TMPRSS3: variants seen among roughly 807,000 people sequenced by gnomAD.
The protein encoded by TMPRSS3 is transmembrane serine protease 3, also known as transmembrane protease serine 3.
TMPRSS3 carries 55 observed loss-of-function variants against 59.6 expected under a neutral mutation model. The observed-to-expected ratio is 0.92, with a 90% CI of 0.74 to 1.16. The LOEUF (loss-of-function observed/expected upper bound fraction) is 1.16, where lower values mean the gene tolerates loss of function less well. Among genes scored for constraint, TMPRSS3 ranks in the 50% most tolerant of loss-of-function variants. The probability of loss-of-function intolerance (pLI) is 0.00; values close to 1 mark genes in which losing one functional copy is unlikely to be tolerated. For missense variants in TMPRSS3, 596 were observed against 579.4 expected (o/e 1.03, Z -0.29); for synonymous variants, 257 against 237.7 (o/e 1.08, Z -0.75).
rs1286489288 is a variant in TMPRSS3, at chr21:42,395,352, A to G, written c.66T>C (p.Asp22=). Reference sequence around the variant, plus strand: ...GTGCAACAGGACTTATTTTCAAATCATCAAGGCCAAAAAGCGATCGGAATG... The same window carrying G: ...GTGCAACAGGACTTATTTTCAAATCGTCAAGGCCAAAAAGCGATCGGAATG... The part of the protein sequence containing the change: ...PFSFRSLFGL[D]DLKISPVAPD... Residue 22 remains aspartate (D), a synonymous_variant, in exon 2 of 13, where the codon GAT becomes GAC. Transcript: ENST00000644384. 17 of 1,614,132 alleles carry G rather than the reference A, an allele frequency of 1.1e-5. 1 individual carries two copies. The Middle Eastern group carries it at 1.7e-3, about 158-fold the overall frequency.
At chr21:42,395,778 C>A (rs1042041131) in intron 1 of TMPRSS3, 164 bp downstream of exon 1, 2 of 397,746 alleles carry the variant, frequency 5.0e-6, no homozygotes, top group Non-Finnish European at 9.8e-6. Flanking sequence ...GACTCCCTCT[C>A]ACCATTTAGA....
Position 42,389,939 on chromosome 21 carries a change from T to A in TMPRSS3, c.193A>T (p.Ile65Phe). 6.2e-7 allele frequency: 1 copy of A among 1,612,788 alleles called. No individual in the cohort carries two copies. The highest frequency in any genetic ancestry group is 1.7e-4 in the Middle Eastern group (1 of 6,060). Residue 65 changes from isoleucine to phenylalanine, a missense_variant, in exon 3 of 13, where the codon ATT becomes TTT. Coordinates refer to ENST00000644384, the MANE Select transcript of TMPRSS3 (RefSeq NM_001256317.3). Reference protein sequence around the residue: ...GIIALILALAIGLGIHFDCSG... With the variant: ...GIIALILALAFGLGIHFDCSG... ...GAATTGTACTCACTGCCCAGACCAA[T>A]GGCCAGTGCTAATATCAATGCAATG...
At chr21:42,375,327 G>C (rs528545478) in intron 12 of TMPRSS3, among the ~76,000 whole-genome samples, 35 of 150,056 alleles carry the variant, frequency 2.3e-4, no homozygotes, top group African/African-American at 7.9e-4. Context: ...TCAGCAGGCA[G>C]GCAAGGTCCT....
At chr21:42,375,627 G>A (rs1377599026) in intron 12 of TMPRSS3, 89 bp downstream of exon 12, 1 of 1,562,530 alleles carries the variant, frequency 6.4e-7, no homozygotes, top group African/African-American at 1.4e-5. Context: ...GTCACGCCCT[G>A]GTTTTTATAG....
At position 42,395,946 on chromosome 21, in the gene TMPRSS3, T is replaced by C; in HGVS notation, c.-56A>G. On this transcript the variant is annotated 5_prime_UTR_variant, in exon 1 of 13. Transcript: ENST00000644384. ...ATAAGTAGTTTCGGTACTCACATAA[T>C]TCCCGAGTCCCAAAAATGTAGATGG... is the stretch of plus-strand genomic sequence containing the variant. The C allele has an allele frequency of 1.9e-6, 1 of 518,972 alleles. No individual in the cohort carries two copies. Among genetic ancestry groups the C allele is most frequent in the South Asian group, 1.4e-5 (1 of 71,568 alleles). The allele number at this position is 518,972 out of a possible 1,614,324, so 32.1% of individuals were successfully genotyped here.
chr21:42,385,422 A>G lies in TMPRSS3; in HGVS notation c.559T>C (p.Ser187Pro). 6.2e-7 allele frequency: 1 copy of G among 1,613,992 alleles called. No homozygotes were observed. Among genetic ancestry groups the G allele is most frequent in the Non-Finnish European group, 8.5e-7 (1 of 1,180,000 alleles). The change falls in exon 6 of 13, where the codon TCA (serine) becomes CCA (proline). Residue 187 changes from serine to proline, a missense_variant. Coordinates refer to ENST00000644384, the MANE Select transcript of TMPRSS3 (RefSeq NM_001256317.3). ...PDDKVTALHH[S>P]VYVREGCASG... The stretch of plus-strand genomic sequence containing the variant: ...CTGACCACCTACCTCACATATACTG[A>G]GTGGTGTAATGCAGTCACCTTGTCA...
intron 6 of TMPRSS3, 122 bp from the exon 7 acceptor site, chr21:42,384,135 A>T: frequency 2.3e-6 from 2 of 874,490 alleles, no homozygotes; most frequent in Non-Finnish European, 3.6e-6. Flanking sequence ...TTGAATATAG[A>T]TTACAATTTT....
At chr21:42,391,920 C>T (rs535692256) in intron 2 of TMPRSS3, among the ~76,000 whole-genome samples, 1 of 152,322 alleles carries the variant, frequency 6.6e-6, no homozygotes, top group South Asian at 2.1e-4. Flanking sequence ...AAGTATAAGC[C>T]TCTCTGGGCA....
At position 42,372,760 on chromosome 21, in the gene TMPRSS3, C is replaced by T. The variant is rs13047838; in HGVS notation, c.*2G>A. ...TCAGGTGGCTACTTGTCCCCTTCCTCTTCAGGTTTTTAGGTCTCTCTATAA... is the reference window on the plus strand; with the variant it reads ...TCAGGTGGCTACTTGTCCCCTTCCTTTTCAGGTTTTTAGGTCTCTCTATAA... On this transcript the variant is annotated 3_prime_UTR_variant, in exon 13 of 13. Coordinates refer to ENST00000644384, the MANE Select transcript of TMPRSS3 (RefSeq NM_001256317.3). 0.22 allele frequency: 356,710 copies of T among 1,613,162 alleles called. 44,497 individuals carry two copies. The highest frequency in any genetic ancestry group is 0.55 in the East Asian group (24,459 of 44,844).
chr21:42,395,754 G>T (rs986443300), intron 1 of TMPRSS3, 188 bp downstream of exon 1: 1 of 385,900 alleles, frequency 2.6e-6, no homozygotes, highest in Non-Finnish European at 4.9e-6. Flanking sequence ...TCTTCAAATC[G>T]ATTGCTTTAG....
chr21:42,376,583 CA>C lies in TMPRSS3; in HGVS notation c.1148del (p.Met383SerfsTer7), dbSNP rs1194863884. The C allele has an allele frequency of 1.1e-5, 17 of 1,613,910 alleles. No homozygotes were observed. Among genetic ancestry groups the C allele is most frequent in the Non-Finnish European group, 1.4e-5 (17 of 1,180,032 alleles). On this transcript the variant is annotated frameshift_variant, in exon 11 of 13. Transcript: ENST00000644384. LOFTEE classifies it high-confidence loss of function. The part of the protein sequence containing the change: ...DVYGGIISPS[M>X]LCAGYLTGGV... ...CACCCGTCAGGTAGCCCGCGCAGAG[CA>C]TGGAGGGGGAGATGATGCCACCGTA...
At chr21:42,379,415 G>T (rs141122374) in intron 10 of TMPRSS3, among the ~76,000 whole-genome samples, 27 of 152,216 alleles carry the variant, frequency 1.8e-4, no homozygotes, top group Non-Finnish European at 3.4e-4. Context: ...CCATAGACTC[G>T]GCCTCCCAAA....
At chr21:42,377,031 C>T (rs962599670) in intron 10 of TMPRSS3, among the ~76,000 whole-genome samples, 1 of 152,210 alleles carries the variant, frequency 6.6e-6, no homozygotes, top group Non-Finnish European at 1.5e-5. Context: ...ATCAGAACAC[C>T]CCAGGTTATG....
rs757110501 is a variant in TMPRSS3, at chr21:42,389,009, G to C, written c.242C>G (p.Ser81Ter). The C allele has an allele frequency of 1.9e-6, 3 of 1,614,190 alleles. No individual in the cohort carries two copies. The highest frequency in any genetic ancestry group is 3.3e-5 in the Admixed American group (2 of 60,028). ...FDCSGKYRCR[S>*]SFKCIELIAR... ...TATCAGCTCGATACACTTAAAGGAT[G>C]AGCGACATCTGTACTTCCCTGAGCA... Residue 81 changes from serine to a stop codon, truncating the protein, a stop_gained, in exon 4 of 13, where the codon TCA becomes TGA. Coordinates refer to ENST00000644384, the MANE Select transcript of TMPRSS3 (RefSeq NM_001256317.3). LOFTEE classifies it high-confidence loss of function.
chr21:42,374,145 A>G (rs538220200), intron 12 of TMPRSS3, among the ~76,000 whole-genome samples: 1 of 152,138 alleles, frequency 6.6e-6, no homozygotes, highest in Non-Finnish European at 1.5e-5. Flanking sequence ...TCAGTTGTCC[A>G]TCCTGGTCCT....
At chr21:42,376,858 G>A (rs962652474) in intron 10 of TMPRSS3, among the ~76,000 whole-genome samples, 175 bp from the exon 11 acceptor site, 9 of 152,198 alleles carry the variant, frequency 5.9e-5, no homozygotes, top group African/African-American at 2.2e-4. Flanking sequence ...GACTCCCACT[G>A]TCTCGAAGCA....
rs760506125 is a variant in TMPRSS3, at chr21:42,383,000, C to G, written c.782+33G>C. ...CACCCTGACATGACCCAGGAGTGAA[C>G]AGGGGTCTGGGAAGATGGTCAGCAG... On this transcript the variant is annotated intron_variant, in intron 8 of 12. Coordinates refer to ENST00000644384, the MANE Select transcript of TMPRSS3 (RefSeq NM_001256317.3). 3 of 1,613,134 alleles carry G rather than the reference C, an allele frequency of 1.9e-6. No homozygotes were observed. In the South Asian group the frequency reaches 3.3e-5, roughly 18 times the overall value.
In TMPRSS3 at chr21:42,388,550, G is replaced by A; in HGVS notation, c.323-24C>T. On this transcript the variant is annotated intron_variant, in intron 4 of 12. Coordinates refer to ENST00000644384, the MANE Select transcript of TMPRSS3 (RefSeq NM_001256317.3). The surrounding 1 kb of genome is among the most constrained non-coding windows in gnomAD (Gnocchi z 5.1). ...GACTGGCCGATGTGCAGAAAGAAAG[G>A]CTTATTAGTGGCCAGTGGAACCCTG... 3 of 1,614,138 alleles carry A rather than the reference G, an allele frequency of 1.9e-6. No homozygotes were observed. The highest frequency in any genetic ancestry group is 2.5e-6 in the Non-Finnish European group (3 of 1,180,034).
At chr21:42,385,771 C>A (rs146617726) in intron 5 of TMPRSS3, among the ~76,000 whole-genome samples, 230 of 151,826 alleles carry the variant, frequency 1.5e-3, no homozygotes, top group Admixed American at 3.2e-3. Flanking sequence ...ACCTGACAGC[C>A]CCGTCCACCC....
Sources: allele counts gnomAD v4.1 joint callset (sites outside exome capture counted in the v4.1 genomes callset), GRCh38; gene constraint gnomAD v4.1.1; non-coding constraint Gnocchi (gnomAD v3.1); transcripts MANE v1.5; gene names NCBI Gene and HGNC (gene_info 2026-07-23, HGNC 2026-07-21).